Variants in ADGRL2 observed in about 807,000 individuals in gnomAD.
ADGRL2 encodes the protein adhesion G protein-coupled receptor L2.
Under a neutral mutation model 157.4 loss-of-function variants are expected in ADGRL2, and 44 were observed. The ratio of observed to expected loss-of-function variants is 0.28; its 90% confidence interval spans 0.22 to 0.36. The LOEUF (loss-of-function observed/expected upper bound fraction) is 0.36. Among genes scored for constraint, ADGRL2 ranks in the 10% least tolerant of loss-of-function variants. The probability of loss-of-function intolerance (pLI) is 1.00; values close to 1 mark genes in which losing one functional copy is unlikely to be tolerated. For missense variants in ADGRL2, 1,510 were observed against 1,768.9 expected, an observed-to-expected ratio of 0.85 and a Z score of 2.63; for synonymous variants, 585 against 624.7, an observed-to-expected ratio of 0.94 and a Z score of 0.95.
At chr1:81,963,802 T>G (rs545055840) in intron 11 of ADGRL2, among the ~76,000 whole-genome samples, 2 of 151,502 alleles carry the variant, frequency 1.3e-5, no homozygotes, top group East Asian at 2.0e-4. Flanking sequence ...TTTTAATGAC[T>G]GAAAGTATCC....
At chr1:81,772,899 A>G (rs1323241322) in intron 2 of ADGRL2, among the ~76,000 whole-genome samples, 4 of 152,130 alleles carry the variant, frequency 2.6e-5, no homozygotes, top group Non-Finnish European at 5.9e-5. Flanking sequence ...ATTTAGCACA[A>G]TACTAAAAAT....
intron 1 of ADGRL2, among the ~76,000 whole-genome samples, chr1:81,746,839 T>C (rs12141794): frequency 0.75 from 105,959 of 142,066 alleles, 39,042 homozygotes; most frequent in Non-Finnish European, 0.77. Context: ...TATATATACA[T>C]GTATATACAC....
intron 1 of ADGRL2, among the ~76,000 whole-genome samples, chr1:81,717,025 A>G (rs1295580609): frequency 6.6e-6 from 1 of 152,232 alleles, no homozygotes; most frequent in Non-Finnish European, 1.5e-5. Flanking sequence ...AACAATCACT[A>G]AAATCCTGCA....
intron 1 of ADGRL2, among the ~76,000 whole-genome samples, chr1:81,412,719 G>A (rs1325597015): frequency 6.6e-6 from 1 of 152,124 alleles, no homozygotes; most frequent in Non-Finnish European, 1.5e-5. Context: ...TGCAATAGAT[G>A]GATAATTGGG....
chr1:81,355,576 T>C (rs1209882935), intron 1 of ADGRL2, among the ~76,000 whole-genome samples: 1 of 152,030 alleles, frequency 6.6e-6, no homozygotes, highest in African/African-American at 2.4e-5. Flanking sequence ...TGGATAAAAG[T>C]GAAGGTTTAT....
intron 2 of ADGRL2, among the ~76,000 whole-genome samples, chr1:81,519,708 C>A (rs1320845468): frequency 6.6e-6 from 1 of 152,158 alleles, no homozygotes; most frequent in African/African-American, 2.4e-5. Flanking sequence ...ATTACTGTCA[C>A]CCCATTACAC....
intron 17 of ADGRL2, among the ~76,000 whole-genome samples, chr1:81,979,598 G>A (rs1445422050): frequency 6.7e-6 from 1 of 150,042 alleles, no homozygotes; most frequent in Non-Finnish European, 1.5e-5. Context: ...AGTACATCTA[G>A]CTAAAGAAAC....
chr1:81,754,544 CTTCT>C (rs1310312946), intron 1 of ADGRL2, among the ~76,000 whole-genome samples: 9 of 128,364 alleles, frequency 7.0e-5, no homozygotes, highest in African/African-American at 8.7e-5. Flanking sequence ...TCTTTCTTTC[CTTCT>C]TTCTTTCTCT....
chr1:81,518,057 G>C (rs2079221459), intron 2 of ADGRL2, among the ~76,000 whole-genome samples: 1 of 152,218 alleles, frequency 6.6e-6, no homozygotes, highest in Admixed American at 6.5e-5. Context: ...CCCTTAAAGA[G>C]AAAATTAATT....
intron 2 of ADGRL2, among the ~76,000 whole-genome samples, chr1:81,545,259 G>A (rs2079985525): frequency 6.6e-6 from 1 of 150,700 alleles, no homozygotes; most frequent in South Asian, 2.1e-4. Flanking sequence ...TAGCTGCCCA[G>A]AAGAATAAAA....
intron 3 of ADGRL2, among the ~76,000 whole-genome samples, chr1:81,909,191 G>T (rs1020777823): frequency 5.9e-5 from 9 of 151,416 alleles, no homozygotes; most frequent in African/African-American, 2.2e-4. Flanking sequence ...TATCTTTTTT[G>T]TATCTGTTTA....
chr1:81,444,062 G>A (rs770752772), intron 1 of ADGRL2, among the ~76,000 whole-genome samples: 1 of 152,214 alleles, frequency 6.6e-6, no homozygotes, highest in Non-Finnish European at 1.5e-5. Context: ...AGAGTTTGCA[G>A]AAGCTGAGAG....
At chr1:81,683,712 T>C (rs920120283) in intron 3 of ADGRL2, among the ~76,000 whole-genome samples, 3 of 152,198 alleles carry the variant, frequency 2.0e-5, no homozygotes, top group Non-Finnish European at 4.4e-5. Context: ...ACAGTTTCTT[T>C]ATCCATTCAT....
rs950319510 is a variant in ADGRL2 at position 81,953,033 on chromosome 1, T to A, written c.1833+8T>A. Reference sequence around the variant, plus strand: ...TGCAGGGCTTACCTTAAGGTATCTCTCCTGTGCTGTCACCCTGCTTTCTCC... The same window carrying A: ...TGCAGGGCTTACCTTAAGGTATCTCACCTGTGCTGTCACCCTGCTTTCTCC... On this transcript the variant is annotated splice_region_variant and intron_variant, in intron 10 of 23. Coordinates refer to ENST00000686636, the MANE Select transcript of ADGRL2 (RefSeq NM_001366006.2). 6.2e-7 allele frequency: 1 copy of A among 1,609,822 alleles called. No homozygotes were observed. The highest frequency in any genetic ancestry group is 8.5e-7 in the Non-Finnish European group (1 of 1,177,556).
intron 1 of ADGRL2, among the ~76,000 whole-genome samples, chr1:81,353,147 T>G (rs1287347699): frequency 1.3e-5 from 2 of 152,184 alleles, no homozygotes; most frequent in Non-Finnish European, 2.9e-5. Context: ...TCTCAAAATT[T>G]GCACCCAGGC....
intron 2 of ADGRL2, among the ~76,000 whole-genome samples, chr1:81,464,783 T>C (rs1419740309): frequency 6.6e-6 from 1 of 152,132 alleles, no homozygotes; most frequent in Non-Finnish European, 1.5e-5. Context: ...CTCATTATCA[T>C]TTACCTTTAC....
Position 81,344,666 on chromosome 1 carries a change from C to CAAAA in ADGRL2, c.-302+38178_-302+38181dup, listed in dbSNP as rs71592731. ...GGGTGACAAGAGCGAAACTCTGTCT[C>CAAAA]AAAAAAAAAAAAAAAAAAAAAAAAG... On this transcript the variant is annotated intron_variant, in intron 1 of 24. Transcript: ENST00000370721. Among the ~76,000 whole-genome samples the CAAAA allele has an allele frequency of 7.9e-4, 44 of 55,796 alleles. 2 individuals carry two copies. Among genetic ancestry groups the CAAAA allele is most frequent in the Non-Finnish European group, 1.0e-3 (30 of 29,198 alleles). 36.6% of individuals were successfully genotyped at this position (55,796 alleles called of 152,430 possible).
chr1:81,907,183 G>A lies in ADGRL2; in HGVS notation c.240G>A (p.Glu80=), dbSNP rs749691144. The change falls in exon 3 of 24, where the codon GAG becomes GAA. Residue 80 remains glutamate (E), a synonymous_variant. Transcript: ENST00000686636. The part of the protein sequence containing the change: ...KICDADPFQM[E]NTDCYLPDAF... ...GTGATGCTGACCCATTTCAGATGGAGAATACAGACTGCTACCTCCCCGATG... is the reference window on the plus strand; with the variant it reads ...GTGATGCTGACCCATTTCAGATGGAAAATACAGACTGCTACCTCCCCGATG... The A allele has an allele frequency of 6.2e-7, 1 of 1,614,088 alleles. No homozygotes were observed.
chr1:81,972,939 G>T (rs2149352790), intron 17 of ADGRL2, among the ~76,000 whole-genome samples: 1 of 149,972 alleles, frequency 6.7e-6, no homozygotes, highest in East Asian at 2.0e-4. Flanking sequence ...TTGCTCAGTT[G>T]TAGCACTATG....
Sources: gnomAD v4.1 joint callset for allele counts (sites outside exome capture counted in the v4.1 genomes callset) on GRCh38, gnomAD v4.1.1 for gene constraint, MANE v1.5 for transcripts, NCBI Gene and HGNC (gene_info 2026-07-23, HGNC 2026-07-21) for gene names.